The following SYN3 variants were observed in gnomAD, a reference collection of about 807,000 sequenced individuals.
The protein encoded by SYN3 is synapsin-3.
A neutral mutation model predicts 65.8 loss-of-function variants in SYN3; 35 were observed. That is an observed-to-expected ratio of 0.53 (90% CI 0.41 to 0.70). The LOEUF is 0.70. Among genes scored for constraint, SYN3 ranks in the 30% least tolerant of loss-of-function variants. SYN3 has a pLI of 0.00. For synonymous variants in SYN3, 270 were observed against 292.9 expected (o/e 0.92, Z 0.80); for missense variants, 680 against 749.0 (o/e 0.91, Z 1.08).
chr22:32,645,942 C>T (rs1052417137), intron 6 of SYN3, among the ~76,000 whole-genome samples: 1 of 151,994 alleles, frequency 6.6e-6, no homozygotes, highest in Non-Finnish European at 1.5e-5. Flanking sequence ...ACTTCTGGCA[C>T]GTGAGCCTTG....
intron 6 of SYN3, among the ~76,000 whole-genome samples, chr22:32,832,282 G>T (rs1482378380): frequency 1.3e-5 from 2 of 151,418 alleles, no homozygotes; most frequent in Non-Finnish European, 3.0e-5. Flanking sequence ...ACAACGAAGA[G>T]AAAGTGGAAC....
chr22:32,914,248 A>T (rs900462433), intron 4 of SYN3, among the ~76,000 whole-genome samples: 3 of 152,220 alleles, frequency 2.0e-5, no homozygotes, highest in Non-Finnish European at 2.9e-5. Flanking sequence ...AAGACGAGTC[A>T]TAGTCATACT....
intron 6 of SYN3, among the ~76,000 whole-genome samples, chr22:32,854,490 A>T (rs2048309226): frequency 6.6e-6 from 1 of 152,144 alleles, no homozygotes; most frequent in East Asian, 1.9e-4. Flanking sequence ...GGTCCAAAAG[A>T]CCTAGAGCGA....
chr22:32,813,391 C>T (rs555641673), intron 6 of SYN3, among the ~76,000 whole-genome samples: 1 of 151,904 alleles, frequency 6.6e-6, no homozygotes, highest in African/African-American at 2.4e-5. Flanking sequence ...TGTCCAGCTC[C>T]AGCCTATCAG....
chr22:32,887,037 T>C (rs1051654193), intron 4 of SYN3, among the ~76,000 whole-genome samples: 2 of 152,166 alleles, frequency 1.3e-5, no homozygotes, highest in Non-Finnish European at 2.9e-5. Flanking sequence ...CTCCCAGATG[T>C]ATTCTTGTTC....
chr22:32,736,190 G>A (rs1235111039), intron 6 of SYN3, among the ~76,000 whole-genome samples: 1 of 152,146 alleles, frequency 6.6e-6, no homozygotes, highest in Non-Finnish European at 1.5e-5. Flanking sequence ...TACACATATG[G>A]GACCATGACC....
At chr22:32,943,428 C>A (rs1296556523) in intron 3 of SYN3, among the ~76,000 whole-genome samples, 2 of 152,118 alleles carry the variant, frequency 1.3e-5, no homozygotes, top group East Asian at 1.9e-4. Context: ...GCCTGCCCTA[C>A]AAGAGCTCCT....
chr22:32,608,665 C>A (rs1319570433), intron 6 of SYN3, among the ~76,000 whole-genome samples: 1 of 152,164 alleles, frequency 6.6e-6, no homozygotes, highest in Non-Finnish European at 1.5e-5. Flanking sequence ...GGCTTTGAAG[C>A]CAGGCAGACT....
At chr22:32,841,090 A>C (rs1165127811) in intron 6 of SYN3, among the ~76,000 whole-genome samples, 1 of 152,034 alleles carries the variant, frequency 6.6e-6, no homozygotes, top group Non-Finnish European at 1.5e-5. Context: ...TTTTTAAATC[A>C]CTCTGTGTGT....
intron 1 of SYN3, among the ~76,000 whole-genome samples, chr22:33,029,251 T>G (rs2053706676): frequency 6.6e-6 from 1 of 151,712 alleles, no homozygotes; most frequent in Non-Finnish European, 1.5e-5. Flanking sequence ...CTTAGCTCAC[T>G]CTAACCTCAA....
At chr22:32,653,157 T>C (rs2060096489) in intron 6 of SYN3, among the ~76,000 whole-genome samples, 1 of 152,190 alleles carries the variant, frequency 6.6e-6, no homozygotes, top group African/African-American at 2.4e-5. Context: ...ATGTTGCAGC[T>C]GTTGGTTTTC....
intron 7 of SYN3, among the ~76,000 whole-genome samples, chr22:32,582,597 C>T (rs1388406064): frequency 6.6e-6 from 1 of 152,066 alleles, no homozygotes; most frequent in East Asian, 1.9e-4. Context: ...TTAGGTTGGT[C>T]TTGAACTCCT....
At chr22:32,580,114 C>T (rs183386496) in intron 7 of SYN3, among the ~76,000 whole-genome samples, 182 of 152,350 alleles carry the variant, frequency 1.2e-3, no homozygotes, top group Non-Finnish European at 2.1e-3. Context: ...ACAGCTTGTG[C>T]GTCCACAGAG....
intron 6 of SYN3, among the ~76,000 whole-genome samples, chr22:32,854,869 C>T (rs935266019): frequency 1.3e-5 from 2 of 152,082 alleles, no homozygotes; most frequent in African/African-American, 4.8e-5. Context: ...AAGGCAGGGG[C>T]GCCCAAACTC....
intron 6 of SYN3, among the ~76,000 whole-genome samples, chr22:32,747,182 T>G (rs531395305): frequency 6.6e-6 from 1 of 152,292 alleles, no homozygotes; most frequent in African/African-American, 2.4e-5. Context: ...TAGCACGATT[T>G]TTCTTTTTCA....
chr22:32,925,139 T>C (rs769418998), intron 4 of SYN3, among the ~76,000 whole-genome samples: 32 of 152,266 alleles, frequency 2.1e-4, no homozygotes, highest in Non-Finnish European at 4.3e-4. Context: ...TTCTGAGGGT[T>C]TGGCAGGAGA....
At chr22:32,591,049 C>T (rs2059120734) in intron 7 of SYN3, among the ~76,000 whole-genome samples, 1 of 152,196 alleles carries the variant, frequency 6.6e-6, no homozygotes, top group African/African-American at 2.4e-5. Context: ...TCTTAATCCT[C>T]ACAACCAGCT....
intron 6 of SYN3, among the ~76,000 whole-genome samples, chr22:32,806,781 T>TTATCATC (rs1373944532): frequency 6.9e-6 from 1 of 144,930 alleles, no homozygotes; most frequent in African/African-American, 2.5e-5. Flanking sequence ...TATTTATCAT[T>TTATCATC]TATCATCTAT....
chr22:32,785,238 T>C (rs187081515), intron 6 of SYN3, among the ~76,000 whole-genome samples: 5 of 152,278 alleles, frequency 3.3e-5, no homozygotes, highest in African/African-American at 1.2e-4. Flanking sequence ...TCCTAAGTGA[T>C]AGAGCCAGAG....
Sources: allele counts gnomAD v4.1 joint callset (sites outside exome capture counted in the v4.1 genomes callset), GRCh38; gene constraint gnomAD v4.1.1; transcripts MANE v1.5; gene names NCBI Gene and HGNC (gene_info 2026-07-23, HGNC 2026-07-21).